CNTNAP2: variants seen among roughly 807,000 people sequenced by gnomAD.
CNTNAP2 encodes contactin-associated protein-like 2.
CNTNAP2 carries 98 observed loss-of-function variants against 155.2 expected under a neutral mutation model. That is an observed-to-expected ratio of 0.63 (90% CI 0.54 to 0.75). CNTNAP2 has a LOEUF of 0.75. CNTNAP2 is among the 30% of genes least tolerant of loss of function. The pLI is 0.00. For synonymous variants in CNTNAP2, 651 were observed against 631.2 expected (o/e 1.03, Z -0.47); for missense variants, 1,727 against 1,688.1 (o/e 1.02, Z -0.40).
intron 1 of CNTNAP2, among the ~76,000 whole-genome samples, chr7:146,617,017 T>TTTTGTTTG (rs60769170): frequency 0.53 from 79,567 of 151,308 alleles, 21,410 homozygotes; most frequent in South Asian, 0.59. Context: ...AACCTGGTTT[T>TTTTGTTTG]TTTGTTTGTT....
In CNTNAP2 at chr7:146,341,103, C is replaced by A. The variant is rs144036072; in HGVS notation, c.97+224130C>A. ...TAGTTATTAAAGTGAACTTATCTAT[C>A]CTTTTGTTTAAACATTTTGATACAT... is the stretch of plus-strand genomic sequence containing the variant. On this transcript the variant is annotated intron_variant, in intron 1 of 23. Transcript: ENST00000361727. Among the ~76,000 whole-genome samples, 713 of 152,182 alleles carry A rather than the reference C, an allele frequency of 4.7e-3. 4 individuals are homozygous for A. The highest frequency in any genetic ancestry group is 0.016 in the African/African-American group (662 of 41,544).
intron 12 of CNTNAP2, among the ~76,000 whole-genome samples, chr7:147,585,107 C>G (rs577284540): frequency 2.6e-5 from 4 of 152,248 alleles, no homozygotes; most frequent in African/African-American, 7.2e-5. Context: ...AAAAGCAGTT[C>G]CCATAAATTG....
At chr7:147,993,851 T>C (rs1390562997) in intron 15 of CNTNAP2, among the ~76,000 whole-genome samples, 1 of 152,114 alleles carries the variant, frequency 6.6e-6, no homozygotes, top group Non-Finnish European at 1.5e-5. Flanking sequence ...TACCTAACTT[T>C]AATAGCCAGG....
chr7:146,937,624 G>A (rs970867001), intron 3 of CNTNAP2, among the ~76,000 whole-genome samples: 1 of 152,148 alleles, frequency 6.6e-6, no homozygotes, highest in African/African-American at 2.4e-5. Context: ...AAGGTTGGTA[G>A]TAAAGTACCT....
At chr7:146,220,347 T>C (rs1007181045) in intron 1 of CNTNAP2, among the ~76,000 whole-genome samples, 6 of 152,172 alleles carry the variant, frequency 3.9e-5, no homozygotes, top group Non-Finnish European at 8.8e-5. Context: ...TATCAATGTA[T>C]GCAAAATTAT....
At chr7:147,497,174 G>A (rs1798724888) in intron 11 of CNTNAP2, 1 of 152,162 alleles carries the variant, frequency 6.6e-6, no homozygotes, top group Non-Finnish European at 1.5e-5. Flanking sequence ...AAATGGATAT[G>A]GATTTGAATA....
chr7:147,400,942 A>C (rs2116466953), intron 10 of CNTNAP2, among the ~76,000 whole-genome samples: 1 of 152,332 alleles, frequency 6.6e-6, no homozygotes, highest in South Asian at 2.1e-4. Context: ...TTCTAAAATT[A>C]ACCAGTACCA....
chr7:147,180,018 T>G (rs1041764947), intron 8 of CNTNAP2, among the ~76,000 whole-genome samples: 12 of 152,090 alleles, frequency 7.9e-5, no homozygotes, highest in African/African-American at 2.9e-4. Flanking sequence ...GAAGCCAAAC[T>G]TGATGAGTCA....
chr7:146,483,971 A>G (rs1485890122), intron 1 of CNTNAP2, among the ~76,000 whole-genome samples: 1 of 152,190 alleles, frequency 6.6e-6, no homozygotes, highest in East Asian at 1.9e-4. Flanking sequence ...CCACCCACTC[A>G]CTGACTCACC....
intron 1 of CNTNAP2, among the ~76,000 whole-genome samples, chr7:146,698,045 C>G (rs572298588): frequency 5.9e-5 from 9 of 152,154 alleles, no homozygotes; most frequent in Non-Finnish European, 1.2e-4. Flanking sequence ...TCAAATAACT[C>G]TACCTTACTT....
At chr7:147,451,522 T>C (rs1797833548) in intron 10 of CNTNAP2, among the ~76,000 whole-genome samples, 1 of 152,178 alleles carries the variant, frequency 6.6e-6, no homozygotes, top group Admixed American at 6.5e-5. Flanking sequence ...TGAAGCTGGA[T>C]GGGAGAAACA....
intron 1 of CNTNAP2, among the ~76,000 whole-genome samples, chr7:146,714,062 G>A (rs571249572): frequency 5.3e-5 from 8 of 152,100 alleles, no homozygotes; most frequent in African/African-American, 1.9e-4. Context: ...TATGATTACT[G>A]CTCTCTCCTG....
chr7:147,858,067 G>T (rs1292808362), intron 13 of CNTNAP2, among the ~76,000 whole-genome samples: 1 of 152,144 alleles, frequency 6.6e-6, no homozygotes, highest in Admixed American at 6.5e-5. Context: ...ACAAGGACTG[G>T]ACGTTAATCA....
chr7:147,584,701 T>C (rs561275519), intron 12 of CNTNAP2, among the ~76,000 whole-genome samples: 2 of 152,322 alleles, frequency 1.3e-5, no homozygotes, highest in South Asian at 4.1e-4. Context: ...GCACCACTAT[T>C]ACCGATGTGA....
chr7:146,257,038 T>G (rs1432025925), intron 1 of CNTNAP2, among the ~76,000 whole-genome samples: 2 of 152,216 alleles, frequency 1.3e-5, no homozygotes, highest in Middle Eastern at 3.2e-3. Context: ...CATTTTAATT[T>G]GTAGGTTCAT....
chr7:146,247,435 C>A (rs147507147), intron 1 of CNTNAP2, among the ~76,000 whole-genome samples: 4 of 151,564 alleles, frequency 2.6e-5, no homozygotes, highest in African/African-American at 9.7e-5. Context: ...CTCAGCCTGG[C>A]CAGGAGGGGA....
chr7:147,839,759 A>C (rs530365590), intron 13 of CNTNAP2, among the ~76,000 whole-genome samples: 54 of 152,320 alleles, frequency 3.5e-4, no homozygotes, highest in African/African-American at 1.1e-3. Context: ...AGAATAAAAG[A>C]AATCATTATA....
intron 1 of CNTNAP2, among the ~76,000 whole-genome samples, chr7:146,124,336 T>C (rs1797605338): frequency 6.6e-6 from 1 of 152,218 alleles, no homozygotes; most frequent in African/African-American, 2.4e-5. Flanking sequence ...GATTAAATTT[T>C]ATCACTGTTA....
chr7:148,389,034 C>T lies in CNTNAP2; in HGVS notation c.3715+5146C>T, dbSNP rs181705089. On this transcript the variant is annotated intron_variant, in intron 22 of 23. Transcript: ENST00000361727. ...CTGCCCATTCTCAGATCTCCAGCTG[C>T]GTGCTGGGAGAACCACTGCTCTTTT... 4.4e-4 allele frequency among the ~76,000 whole-genome samples: 67 copies of T among 152,270 alleles called. No individual in the cohort carries two copies. In the East Asian group the frequency reaches 8.7e-3, roughly 20 times the overall value.
Sources: gnomAD v4.1 joint callset for allele counts (sites outside exome capture counted in the v4.1 genomes callset) on GRCh38, gnomAD v4.1.1 for gene constraint, MANE v1.5 for transcripts, NCBI Gene and HGNC (gene_info 2026-07-23, HGNC 2026-07-21) for gene names.